Variants in PPIL4 observed in about 807,000 individuals in gnomAD.
PPIL4 encodes peptidyl-prolyl cis-trans isomerase-like 4.
PPIL4 carries 50 observed loss-of-function variants against 69.1 expected under a neutral mutation model. That is an observed-to-expected ratio of 0.72 (90% CI 0.58 to 0.92). PPIL4 has a LOEUF of 0.92. Ranked by LOEUF, PPIL4 falls within the 40% of genes least tolerant of loss-of-function variation. The pLI, the probability that PPIL4 is intolerant of heterozygous loss-of-function variation, is 0.00. For synonymous variants in PPIL4, 193 were observed against 191.6 expected, an observed-to-expected ratio of 1.01 and a Z score of -0.06; for missense variants, 480 against 587.9, an observed-to-expected ratio of 0.82 and a Z score of 1.90.
rs1479931307 is a variant in PPIL4 at position 149,521,113 on chromosome 6, CT to C, written c.928del (p.Arg310GlufsTer42). 6.2e-7 allele frequency: 1 copy of C among 1,608,266 alleles called. No homozygotes were observed. ...CGACTGGCTAAAATCCACATGTATT[CT>C]TCTGTCATCTATAAGCACATTGTCC... ...KMDNVLIDDRRIHVDFSQSVA... is the reference protein window; with the variant it reads ...KMDNVLIDDRXIHVDFSQSVA... On this transcript the variant is annotated frameshift_variant, in exon 10 of 13. Transcript: ENST00000253329. LOFTEE classifies it high-confidence loss of function.
chr6:149,535,549 A>T, intron 5 of PPIL4, 47 bp downstream of exon 5: 1 of 1,507,856 alleles, frequency 6.6e-7, no homozygotes, highest in Non-Finnish European at 9.1e-7. Flanking sequence ...TAAACATCTC[A>T]ATATTAAAAC....
chr6:149,545,619 T>A (rs1777427984), intron 1 of PPIL4, among the ~76,000 whole-genome samples: 1 of 152,132 alleles, frequency 6.6e-6, no homozygotes, highest in Admixed American at 6.5e-5. Flanking sequence ...ACAAAAGCTA[T>A]GGGTATTGTA....
chr6:149,521,524 A>G (rs1356022391), intron 9 of PPIL4, among the ~76,000 whole-genome samples: 2 of 152,222 alleles, frequency 1.3e-5, no homozygotes, highest in Non-Finnish European at 1.5e-5. Flanking sequence ...AAAATTCAAA[A>G]ACATCCTGGA....
intron 1 of PPIL4, 131 bp from the exon 2 acceptor site, chr6:149,541,717 A>G: frequency 1.8e-6 from 1 of 566,830 alleles, no homozygotes; most frequent in African/African-American, 1.9e-5. Context: ...CAAAGCTATA[A>G]AAAAGGGCAA....
chr6:149,515,739 T>C (rs1472963548), intron 11 of PPIL4, among the ~76,000 whole-genome samples: 1 of 152,176 alleles, frequency 6.6e-6, no homozygotes, highest in Non-Finnish European at 1.5e-5. Context: ...CTTGTACTTA[T>C]CACTAAAATC....
At position 149,505,459 on chromosome 6, in the gene PPIL4, ATACT is replaced by A; in HGVS notation, c.1469_1472del (p.Lys490IlefsTer5). On this transcript the variant is annotated frameshift_variant, in exon 13 of 13. Transcript: ENST00000253329. LOFTEE classifies it high-confidence loss of function. ...AATTCTGCCTCTTCATCTTTCATCTATACTTAGATTTTTCTTTATCTTTGGACTT... is the reference window on the plus strand; with the variant it reads ...AATTCTGCCTCTTCATCTTTCATCTATAGATTTTTCTTTATCTTTGGACTT... 6.2e-7 allele frequency: 1 copy of A among 1,611,870 alleles called. No homozygotes were observed. Among genetic ancestry groups the A allele is most frequent in the Non-Finnish European group, 8.5e-7 (1 of 1,179,520 alleles).
intron 5 of PPIL4, 25 bp from the exon 6 acceptor site, chr6:149,534,799 T>C: frequency 8.0e-7 from 1 of 1,246,740 alleles, no homozygotes; most frequent in Non-Finnish European, 1.1e-6. Flanking sequence ...CCAAATCAAA[T>C]GTTATACATT....
At chr6:149,522,026 G>C (rs980019717) in intron 9 of PPIL4, among the ~76,000 whole-genome samples, 1 of 152,180 alleles carries the variant, frequency 6.6e-6, no homozygotes, top group Non-Finnish European at 1.5e-5. Flanking sequence ...TTTATTACAT[G>C]TCAATAATTA....
chr6:149,523,622 C>T (rs1365845594), intron 9 of PPIL4, among the ~76,000 whole-genome samples: 3 of 150,784 alleles, frequency 2.0e-5, no homozygotes, highest in South Asian at 2.1e-4. Flanking sequence ...AACTGGGAGG[C>T]GGAGGTTGCA....
chr6:149,513,624 A>G (rs1776895689), intron 11 of PPIL4, among the ~76,000 whole-genome samples: 1 of 151,478 alleles, frequency 6.6e-6, no homozygotes, highest in South Asian at 2.1e-4. Context: ...GAAAATTAAC[A>G]TGAAAAAAGC....
At chr6:149,510,272 C>T (rs970635510) in intron 12 of PPIL4, among the ~76,000 whole-genome samples, 2 of 151,832 alleles carry the variant, frequency 1.3e-5, no homozygotes, top group Non-Finnish European at 2.9e-5. Context: ...AATCAATAAC[C>T]CATAAAACAC....
At chr6:149,532,504 G>A (rs746059179) in intron 7 of PPIL4, among the ~76,000 whole-genome samples, 1 of 152,138 alleles carries the variant, frequency 6.6e-6, no homozygotes, top group Non-Finnish European at 1.5e-5. Flanking sequence ...TACACAGTGT[G>A]CTCATTAAAA....
intron 7 of PPIL4, among the ~76,000 whole-genome samples, chr6:149,529,617 G>C (rs1247900476): frequency 1.3e-5 from 2 of 151,706 alleles, no homozygotes; most frequent in African/African-American, 4.8e-5. Flanking sequence ...AAAATAATTA[G>C]CCGGGCGCGG....
Position 149,504,994 on chromosome 6 carries a change from A to G in PPIL4, c.*459T>C, listed in dbSNP as rs979413024. On this transcript the variant is annotated 3_prime_UTR_variant, in exon 13 of 13. Coordinates refer to ENST00000253329, the MANE Select transcript of PPIL4 (RefSeq NM_139126.4). ...ACATTTCACTTACAGATACATACGT[A>G]TGTTGTAAAACTATAATAGACAAAT... is the stretch of plus-strand genomic sequence containing the variant. 1.3e-5 allele frequency: 2 copies of G among 153,310 alleles called. No homozygotes were observed. The highest frequency in any genetic ancestry group is 4.8e-5 in the African/African-American group (2 of 41,474). 9.5% of individuals were successfully genotyped at this position (153,310 alleles called of 1,614,324 possible).
chr6:149,515,274 A>G (rs1776926063), intron 11 of PPIL4, among the ~76,000 whole-genome samples: 1 of 151,096 alleles, frequency 6.6e-6, no homozygotes, highest in Non-Finnish European at 1.5e-5. Flanking sequence ...GGCATGAGCC[A>G]CTGCACCCAG....
At chr6:149,514,752 A>G (rs997899649) in intron 11 of PPIL4, among the ~76,000 whole-genome samples, 3 of 117,342 alleles carry the variant, frequency 2.6e-5, no homozygotes, top group African/African-American at 1.0e-4. Context: ...TATTTTATTA[A>G]TCTTTTGGTT....
intron 4 of PPIL4, among the ~76,000 whole-genome samples, chr6:149,536,123 G>C (rs1483296978): frequency 1.3e-5 from 2 of 151,954 alleles, no homozygotes; most frequent in Non-Finnish European, 2.9e-5. Flanking sequence ...TCTTACTACC[G>C]CAATTGTTTT....
At chr6:149,508,305 T>C (rs770323068) in intron 12 of PPIL4, among the ~76,000 whole-genome samples, 1 of 152,228 alleles carries the variant, frequency 6.6e-6, no homozygotes, top group Admixed American at 6.5e-5. Context: ...AGTATCTTCA[T>C]ATCTAAAGTG....
chr6:149,508,287 G>A (rs570712126), intron 12 of PPIL4, among the ~76,000 whole-genome samples: 2 of 152,202 alleles, frequency 1.3e-5, no homozygotes, highest in Non-Finnish European at 2.9e-5. Context: ...CTAAGGGCCT[G>A]TGGGATCAGT....
Sources: allele counts gnomAD v4.1 joint callset (sites outside exome capture counted in the v4.1 genomes callset), GRCh38; gene constraint gnomAD v4.1.1; transcripts MANE v1.5; gene names NCBI Gene and HGNC (gene_info 2026-07-23, HGNC 2026-07-21).